Variants in LGI2 observed in about 807,000 individuals in gnomAD.
LGI2 encodes the protein leucine-rich repeat LGI family member 2.
In LGI2, 30 loss-of-function variants were observed where a neutral mutation model predicts 52.0. That is an observed-to-expected ratio of 0.58 (90% CI 0.43 to 0.78). The LOEUF is 0.78. Among genes scored for constraint, LGI2 ranks in the 30% least tolerant of loss-of-function variants. The probability of loss-of-function intolerance (pLI) is 0.00; values close to 1 mark genes in which losing one functional copy is unlikely to be tolerated. For missense variants in LGI2, 573 were observed against 692.5 expected (o/e 0.83, Z 1.94); for synonymous variants, 270 against 271.8 (o/e 0.99, Z 0.06).
chr4:25,019,158 A>G lies in LGI2; in HGVS notation c.485+9T>C, dbSNP rs765695635. ...GACAAACACACATAAACTAAATTTCATTACTTACAGTTCAATCAGAGAGTC... is the reference window on the plus strand; with the variant it reads ...GACAAACACACATAAACTAAATTTCGTTACTTACAGTTCAATCAGAGAGTC... On this transcript the variant is annotated intron_variant, in intron 5 of 7. Transcript: ENST00000382114. 44 of 1,555,412 alleles carry G rather than the reference A, an allele frequency of 2.8e-5. No homozygotes were observed. The highest frequency in any genetic ancestry group is 3.7e-5 in the Non-Finnish European group (42 of 1,128,980).
chr4:24,997,383 G>T (rs114966686), downstream of LGI2, among the ~76,000 whole-genome samples: 7 of 152,286 alleles, frequency 4.6e-5, no homozygotes, highest in East Asian at 1.4e-3. Flanking sequence ...GAGATATTAG[G>T]ATTAGTCTCT....
chr4:24,994,595 T>G (rs1430963712), downstream of LGI2, among the ~76,000 whole-genome samples: 1 of 152,122 alleles, frequency 6.6e-6, no homozygotes, highest in East Asian at 1.9e-4. Flanking sequence ...CAAATGTTCA[T>G]CTGCTCCTCC....
At chr4:24,998,501 G>C (rs954014530), downstream of LGI2, among the ~76,000 whole-genome samples, 3 of 152,140 alleles carry the variant, frequency 2.0e-5, no homozygotes, top group Non-Finnish European at 4.4e-5. Flanking sequence ...GTTCATGATG[G>C]TTCAACCCAA....
chr4:25,027,980 G>A (rs1157289781), intron 2 of LGI2, among the ~76,000 whole-genome samples: 1 of 152,176 alleles, frequency 6.6e-6, no homozygotes, highest in Non-Finnish European at 1.5e-5. Flanking sequence ...GGACAAGTTA[G>A]TTAAGTTCCC....
At chr4:25,026,324 G>A (rs529222281) in intron 3 of LGI2, among the ~76,000 whole-genome samples, 21 of 151,582 alleles carry the variant, frequency 1.4e-4, no homozygotes, top group Non-Finnish European at 2.2e-4. Context: ...AGCTCATTGC[G>A]AGGGGAGAAA....
intron 5 of LGI2, 120 bp from the exon 6 acceptor site, chr4:25,018,278 A>C: frequency 1.5e-6 from 1 of 672,352 alleles, no homozygotes; most frequent in Non-Finnish European, 2.4e-6. Context: ...ACCCCCTAAA[A>C]ATGGAGTTTA....
chr4:25,004,976 T>A lies in LGI2; in HGVS notation c.821-708A>T, dbSNP rs903634373. Among the ~76,000 whole-genome samples, 1 of 152,208 alleles carries A rather than the reference T, an allele frequency of 6.6e-6. No individual in the cohort carries two copies. The highest frequency in any genetic ancestry group is 1.5e-5 in the Non-Finnish European group (1 of 68,032). Reference sequence around the variant, plus strand: ...TTCAGCCCTAAAAGGAGGAAAATTCTGACATATGCTACAACATGGATGGAC... The same window carrying A: ...TTCAGCCCTAAAAGGAGGAAAATTCAGACATATGCTACAACATGGATGGAC... On this transcript the variant is annotated intron_variant, in intron 7 of 7. Transcript: ENST00000382114. This position sits in a 1 kb window ranked among gnomAD's most constrained non-coding sequence, Gnocchi z 4.6.
At chr4:25,012,612 G>A (rs1200965866) in intron 6 of LGI2, 113 bp from the exon 7 acceptor site, 2 of 1,054,194 alleles carry the variant, frequency 1.9e-6, no homozygotes, top group Non-Finnish European at 2.8e-6. Context: ...GGGAGGAGGA[G>A]GAGGATAGGA....
intron 4 of LGI2, among the ~76,000 whole-genome samples, chr4:25,024,081 C>T (rs947666548): frequency 6.6e-6 from 1 of 152,172 alleles, no homozygotes; most frequent in Non-Finnish European, 1.5e-5. Flanking sequence ...TCTGATCCAA[C>T]ATTCCACCTA....
chr4:25,029,663 A>T (rs908991958), intron 1 of LGI2, among the ~76,000 whole-genome samples: 4 of 152,128 alleles, frequency 2.6e-5, no homozygotes, highest in Non-Finnish European at 4.4e-5. Flanking sequence ...GGATGAAAGC[A>T]CCTCTCGGCA....
intron 7 of LGI2, among the ~76,000 whole-genome samples, chr4:25,006,994 T>C (rs1725409622): frequency 6.6e-6 from 1 of 150,876 alleles, no homozygotes; most frequent in Non-Finnish European, 1.5e-5. Context: ...GTGCACATAT[T>C]CAAGTATTCT....
At chr4:25,024,365 T>G (rs946362535) in intron 4 of LGI2, among the ~76,000 whole-genome samples, 1 of 152,126 alleles carries the variant, frequency 6.6e-6, no homozygotes, top group Admixed American at 6.5e-5. Context: ...AATACAAAAA[T>G]TAGTCAGGCA....
chr4:25,030,428 G>A (rs1726298880), intron 1 of LGI2, 69 bp downstream of exon 1: 1 of 1,451,220 alleles, frequency 6.9e-7, no homozygotes, highest in African/African-American at 1.4e-5. Flanking sequence ...GGCGCCAGAG[G>A]CAACTCCCTC....
At chr4:25,025,594 G>C (rs1726120174) in intron 3 of LGI2, among the ~76,000 whole-genome samples, 1 of 150,986 alleles carries the variant, frequency 6.6e-6, no homozygotes, top group African/African-American at 2.5e-5. Flanking sequence ...GGTCTTTGTG[G>C]GAAATAATTG....
chr4:25,030,621 G>T lies in LGI2; in HGVS notation c.73C>A (p.Pro25Thr). 2 of 1,556,114 alleles carry T rather than the reference G, an allele frequency of 1.3e-6. No individual in the cohort carries two copies. Among genetic ancestry groups the T allele is most frequent in the Non-Finnish European group, 8.7e-7 (1 of 1,151,516 alleles). The change falls in exon 1 of 8, where the codon CCG becomes ACG. Residue 25 changes from proline (P) to threonine (T), a missense_variant. Pro to Thr is a conservative substitution (Grantham distance 38). Transcript: ENST00000382114. ...AGCCGCCTCACCTGCGCGCTCCGCGGTATCAGGCACGCGGCGCCCAGCAGC... is the reference window on the plus strand; with the variant it reads ...AGCCGCCTCACCTGCGCGCTCCGCGTTATCAGGCACGCGGCGCCCAGCAGC... Reference protein sequence around the residue: ...LLLLGAACLIPRSAQVRRLAR... With the variant: ...LLLLGAACLITRSAQVRRLAR...
chr4:25,013,394 C>CAGG (rs1257537130), intron 6 of LGI2, among the ~76,000 whole-genome samples: 1 of 152,170 alleles, frequency 6.6e-6, no homozygotes, highest in Non-Finnish European at 1.5e-5. Flanking sequence ...GCCCAACAGG[C>CAGG]AGGAGGTGAC....
At chr4:25,005,138 T>C (rs1453468323) in intron 7 of LGI2, among the ~76,000 whole-genome samples, 1 of 152,154 alleles carries the variant, frequency 6.6e-6, no homozygotes, top group Admixed American at 6.5e-5. Context: ...GGCTGTGGGA[T>C]GGGGCAAATG....
intron 6 of LGI2, among the ~76,000 whole-genome samples, chr4:25,013,743 T>C (rs1725662792): frequency 6.6e-6 from 1 of 152,200 alleles, no homozygotes; most frequent in South Asian, 2.1e-4. Flanking sequence ...AGTTGACATA[T>C]GCAACAATGA....
In LGI2 at chr4:25,003,593, A is replaced by C; in HGVS notation, c.1496T>G (p.Phe499Cys). The change falls in exon 8 of 8, where the codon TTC becomes TGC. Residue 499 changes from phenylalanine to cysteine, a missense_variant. Transcript: ENST00000382114. ...IYQWDKEKQL[F>C]KKFKEIYVQA... ...CACGTAAATCTCCTTAAACTTTTTG[A>C]ATAGCTGCTTCTCTTTATCCCACTG... 6.2e-7 allele frequency: 1 copy of C among 1,614,180 alleles called. No individual in the cohort carries two copies. Among genetic ancestry groups the C allele is most frequent in the Non-Finnish European group, 8.5e-7 (1 of 1,180,026 alleles).
Sources: allele counts gnomAD v4.1 joint callset (sites outside exome capture counted in the v4.1 genomes callset), GRCh38; gene constraint gnomAD v4.1.1; non-coding constraint Gnocchi (gnomAD v3.1); transcripts MANE v1.5; gene names NCBI Gene and HGNC (gene_info 2026-07-23, HGNC 2026-07-21).